ATXN1: variants seen among roughly 807,000 people sequenced by gnomAD.
ATXN1 encodes the protein ataxin 1, also known as ataxin-1.
A neutral mutation model predicts 56.4 loss-of-function variants in ATXN1; 8 were observed. The ratio of observed to expected loss-of-function variants is 0.14; its 90% CI spans 0.08 to 0.26. ATXN1 has a LOEUF of 0.26. Among genes scored for constraint, ATXN1 ranks in the 10% least tolerant of loss-of-function variants. The pLI, the probability that ATXN1 is intolerant of heterozygous loss-of-function variation, is 1.00. For missense variants in ATXN1, 987 were observed against 1,106.5 expected (o/e 0.89, Z 1.53); for synonymous variants, 514 against 494.6 (o/e 1.04, Z -0.52).
intron 7 of ATXN1, among the ~76,000 whole-genome samples, chr6:16,319,028 G>A (rs1760583115): frequency 6.6e-6 from 1 of 152,026 alleles, no homozygotes; most frequent in South Asian, 2.1e-4. Context: ...AGCAGCCTGG[G>A]CAACATGGCA....
At chr6:16,502,742 C>A (rs1470765324) in intron 5 of ATXN1, among the ~76,000 whole-genome samples, 1 of 152,098 alleles carries the variant, frequency 6.6e-6, no homozygotes, top group African/African-American at 2.4e-5. Context: ...CAATCGCACA[C>A]AAAGAAAAGT....
At chr6:16,675,199 A>G (rs919721986) in intron 2 of ATXN1, among the ~76,000 whole-genome samples, 8 of 152,220 alleles carry the variant, frequency 5.3e-5, no homozygotes, top group Admixed American at 5.2e-4. Flanking sequence ...TGGCAACTGA[A>G]AGTAACCAAT....
intron 2 of ATXN1, among the ~76,000 whole-genome samples, chr6:16,731,299 AAAG>A (rs1479452550): frequency 6.6e-6 from 1 of 152,104 alleles, no homozygotes; most frequent in Non-Finnish European, 1.5e-5. Flanking sequence ...GGAAGAATGA[AAAG>A]AAGATTCTGG....
rs141675287 is a variant in ATXN1 at position 16,469,116 on chromosome 6, A to C, written c.-161+16856T>G. Among the ~76,000 whole-genome samples the C allele has an allele frequency of 5.3e-5, 8 of 152,338 alleles. No individual in the cohort carries two copies. In the East Asian group the frequency reaches 1.2e-3, roughly 22 times the overall value. On this transcript the variant is annotated intron_variant, in intron 6 of 7. Transcript: ENST00000436367. ...ACCGTGGGCACCCAATAAATGCTTG[A>C]TGAATAAATGAGTGAAATGAATGAA...
At chr6:16,565,442 C>G (rs770527440) in intron 4 of ATXN1, among the ~76,000 whole-genome samples, 2 of 152,156 alleles carry the variant, frequency 1.3e-5, no homozygotes, top group Non-Finnish European at 2.9e-5. Context: ...AAAGTAATCT[C>G]TAACATCATA....
chr6:16,372,181 A>G (rs1265935730), intron 6 of ATXN1, among the ~76,000 whole-genome samples: 2 of 152,244 alleles, frequency 1.3e-5, no homozygotes, highest in Non-Finnish European at 2.9e-5. Context: ...ATCTCAGTAA[A>G]TGCCAAGAAG....
intron 6 of ATXN1, among the ~76,000 whole-genome samples, chr6:16,340,678 C>G (rs1266564209): frequency 6.6e-6 from 1 of 152,196 alleles, no homozygotes; most frequent in Non-Finnish European, 1.5e-5. Flanking sequence ...TGTAGTTGGT[C>G]ACCTTCTTAT....
chr6:16,533,750 C>T (rs752841548), intron 4 of ATXN1, among the ~76,000 whole-genome samples: 3 of 152,166 alleles, frequency 2.0e-5, no homozygotes, highest in Non-Finnish European at 4.4e-5. Context: ...CATTCTCCTT[C>T]GTCACGCATA....
intron 3 of ATXN1, among the ~76,000 whole-genome samples, chr6:16,592,092 C>A (rs1017829249): frequency 6.6e-6 from 1 of 152,100 alleles, no homozygotes; most frequent in African/African-American, 2.4e-5. Context: ...CGGAGTAAGA[C>A]TCAACCTCCC....
intron 6 of ATXN1, among the ~76,000 whole-genome samples, chr6:16,404,349 T>C (rs395065): frequency 6.6e-6 from 1 of 152,068 alleles, no homozygotes; most frequent in Non-Finnish European, 1.5e-5. Context: ...ACTGAGCATG[T>C]TTTGTTTTCA....
rs1337008041 is a variant in ATXN1, at chr6:16,705,721, C to T, written c.-615+47512G>A. Among the ~76,000 whole-genome samples the T allele has an allele frequency of 2.6e-5, 4 of 152,164 alleles. No homozygotes were observed. The South Asian group carries it at 6.2e-4, about 24-fold the overall frequency. ...TGTCTGTCCTGGTCCCTGCAGAAGC[C>T]GCAGCACACAGACCTGTGATTAGCA... On this transcript the variant is annotated intron_variant, in intron 2 of 7. Transcript: ENST00000436367.
intron 6 of ATXN1, among the ~76,000 whole-genome samples, chr6:16,351,386 A>G (rs904303085): frequency 6.7e-6 from 1 of 149,122 alleles, no homozygotes; most frequent in Non-Finnish European, 1.5e-5. Flanking sequence ...CCCCCAGTGA[A>G]TGTTTTTTTA....
intron 6 of ATXN1, among the ~76,000 whole-genome samples, chr6:16,389,498 G>T (rs1239222352): frequency 6.6e-6 from 1 of 152,038 alleles, no homozygotes; most frequent in East Asian, 1.9e-4. Flanking sequence ...ACTTCCTTTT[G>T]CCTTGAGAGT....
chr6:16,546,206 T>C (rs1305694708), intron 4 of ATXN1, among the ~76,000 whole-genome samples: 1 of 152,206 alleles, frequency 6.6e-6, no homozygotes, highest in Admixed American at 6.5e-5. Flanking sequence ...GAACACCAAA[T>C]ATCCATTACT....
intron 2 of ATXN1, among the ~76,000 whole-genome samples, chr6:16,723,165 A>G (rs1759780133): frequency 1.3e-5 from 2 of 152,230 alleles, no homozygotes; most frequent in South Asian, 4.1e-4. Context: ...AGCTATTTCA[A>G]CTAAACATTG....
At chr6:16,448,075 T>C (rs1561899739) in intron 6 of ATXN1, among the ~76,000 whole-genome samples, 1 of 152,216 alleles carries the variant, frequency 6.6e-6, no homozygotes, top group African/African-American at 2.4e-5. Flanking sequence ...ATTACATTTA[T>C]GGTAAAAACC....
chr6:16,445,890 A>G (rs1406504279), intron 6 of ATXN1, among the ~76,000 whole-genome samples: 2 of 151,214 alleles, frequency 1.3e-5, no homozygotes, highest in Middle Eastern at 3.4e-3. Context: ...TCCATGGTGT[A>G]TATGTGCCAC....
chr6:16,498,938 C>T (rs1489034864), intron 5 of ATXN1, among the ~76,000 whole-genome samples: 1 of 152,116 alleles, frequency 6.6e-6, no homozygotes, highest in Admixed American at 6.5e-5. Flanking sequence ...TATTTTCTCC[C>T]ATTCTGTGGG....
chr6:16,618,349 A>T (rs2113798182), intron 3 of ATXN1, among the ~76,000 whole-genome samples: 1 of 152,350 alleles, frequency 6.6e-6, no homozygotes, highest in Non-Finnish European at 1.5e-5. Context: ...TGATAGGTAC[A>T]GCAAACCACT....
Sources: gnomAD v4.1 joint callset for allele counts (sites outside exome capture counted in the v4.1 genomes callset) on GRCh38, gnomAD v4.1.1 for gene constraint, MANE v1.5 for transcripts, NCBI Gene and HGNC (gene_info 2026-07-23, HGNC 2026-07-21) for gene names.